RRAGD: variants seen among roughly 807,000 people sequenced by gnomAD.
RRAGD encodes the protein ras-related GTP-binding protein D.
Under a neutral mutation model 35.5 loss-of-function variants are expected in RRAGD, and 12 were observed. The observed-to-expected ratio is 0.34, with a 90% CI of 0.22 to 0.55. The LOEUF (loss-of-function observed/expected upper bound fraction) is 0.55. Ranked by LOEUF, RRAGD falls within the 20% of genes least tolerant of loss-of-function variation. The pLI is 0.91. For synonymous variants in RRAGD, 155 were observed against 178.9 expected, an observed-to-expected ratio of 0.87 and a Z score of 1.07; for missense variants, 324 against 490.1, an observed-to-expected ratio of 0.66 and a Z score of 3.20.
In RRAGD at chr6:89,387,508, A is replaced by G. The variant is rs980738885; in HGVS notation, c.231T>C (p.Ser77=). The G allele has an allele frequency of 3.1e-6, 5 of 1,614,230 alleles. No individual in the cohort carries two copies. The highest frequency in any genetic ancestry group is 3.4e-6 in the Non-Finnish European group (4 of 1,180,042). The stretch of plus-strand genomic sequence containing the variant: ...TTTTGTGAAAGACAACTTTCTGAAT[A>G]GACGACTTGCCGCTTCTCCTCAGGC... ...LMGLRRSGKS[S]IQKVVFHKMS... The change falls in exon 2 of 7, where the codon TCT becomes TCC. Residue 77 remains serine, a synonymous_variant. Transcript: ENST00000369415.
chr6:89,364,824 C>T lies in RRAGD; in HGVS notation c.*3232G>A, dbSNP rs1234550138. 6.6e-6 allele frequency: 1 copy of T among 152,156 alleles called. No individual in the cohort carries two copies. The highest frequency in any genetic ancestry group is 1.5e-5 in the Non-Finnish European group (1 of 68,036). 9.4% of individuals were successfully genotyped at this position (152,156 alleles called of 1,614,324 possible). On this transcript the variant is annotated 3_prime_UTR_variant, in exon 7 of 7. Coordinates refer to ENST00000369415, the MANE Select transcript of RRAGD (RefSeq NM_021244.5). ...AAGAGACAATTCTGCTCCCAGAAAG[C>T]TTAGCTATGAATACACTTGAAATGA...
chr6:89,380,770 G>T (rs778551705), intron 2 of RRAGD, among the ~76,000 whole-genome samples: 16 of 152,106 alleles, frequency 1.1e-4, no homozygotes, highest in Non-Finnish European at 5.9e-5. Flanking sequence ...AGCCAGGCGT[G>T]GTGGCATGCG....
Position 89,412,063 on chromosome 6 carries a change from C to G in RRAGD, c.-70G>C. On this transcript the variant is annotated 5_prime_UTR_variant, in exon 1 of 7. Coordinates refer to ENST00000369415, the MANE Select transcript of RRAGD (RefSeq NM_021244.5). The surrounding 1 kb of genome is among the most constrained non-coding windows in gnomAD (Gnocchi z 4.2). ...GTGGGGGCCAAGCCTCCTAGCCGGC[C>G]GCCCGCAGCCTATTTCTGAAGCGGA... The G allele has an allele frequency of 7.0e-7, 1 of 1,421,632 alleles. No individual in the cohort carries two copies. Among genetic ancestry groups the G allele is most frequent in the Admixed American group, 2.4e-5 (1 of 40,848 alleles). 88.1% of individuals were successfully genotyped at this position (1,421,632 alleles called of 1,614,324 possible).
intron 3 of RRAGD, among the ~76,000 whole-genome samples, chr6:89,379,704 AG>A (rs1769010275): frequency 6.6e-6 from 1 of 152,222 alleles, no homozygotes; most frequent in African/African-American, 2.4e-5. Flanking sequence ...TTGATATTGA[AG>A]CAACTATTTT....
chr6:89,394,346 A>C (rs556815281), intron 1 of RRAGD, among the ~76,000 whole-genome samples: 1 of 152,198 alleles, frequency 6.6e-6, no homozygotes, highest in African/African-American at 2.4e-5. Flanking sequence ...TAGAGGGGGA[A>C]ACAATTACCT....
chr6:89,372,191 G>C (rs1319407570), intron 6 of RRAGD, among the ~76,000 whole-genome samples: 1 of 152,160 alleles, frequency 6.6e-6, no homozygotes, highest in Non-Finnish European at 1.5e-5. Flanking sequence ...AGGATCATGG[G>C]GTTCCACTTC....
chr6:89,380,597 G>A (rs963702458), intron 2 of RRAGD, among the ~76,000 whole-genome samples: 4 of 152,196 alleles, frequency 2.6e-5, no homozygotes, highest in African/African-American at 9.7e-5. Context: ...TTATGACTGA[G>A]GTTGATGACA....
intron 5 of RRAGD, 59 bp downstream of exon 5, chr6:89,377,612 C>A: frequency 2.8e-6 from 4 of 1,421,214 alleles, no homozygotes; most frequent in Non-Finnish European, 2.8e-6. Flanking sequence ...ATGCAAAATG[C>A]CTGAAAGGTT....
At chr6:89,397,528 C>T (rs1482472852) in intron 1 of RRAGD, among the ~76,000 whole-genome samples, 4 of 151,162 alleles carry the variant, frequency 2.6e-5, no homozygotes, top group Non-Finnish European at 5.9e-5. Context: ...GGCGTGAACC[C>T]GGGAGGCGGA....
chr6:89,367,888 TACTTTATTTATA>T lies in RRAGD; in HGVS notation c.*156_*167del. 7.8e-6 allele frequency: 4 copies of T among 514,722 alleles called. No homozygotes were observed. Among genetic ancestry groups the T allele is most frequent in the Non-Finnish European group, 1.3e-5 (4 of 311,624 alleles). The allele number at this position is 514,722 out of a possible 1,614,324, so 31.9% of individuals were successfully genotyped here. A position where few individuals can be genotyped will look rare whatever the true frequency, so the allele number is the denominator to read the frequency against. ...ATACAAGTTTTTGCTTCAAAGTGCT[TACTTTATTTATA>T]AAAGAGAAGATCAAGAGGGTTGCAG... On this transcript the variant is annotated 3_prime_UTR_variant, in exon 7 of 7. Coordinates refer to ENST00000369415, the MANE Select transcript of RRAGD (RefSeq NM_021244.5).
chr6:89,391,990 A>G (rs975712304), intron 1 of RRAGD, among the ~76,000 whole-genome samples: 10 of 151,684 alleles, frequency 6.6e-5, no homozygotes, highest in Non-Finnish European at 1.5e-4. Context: ...CTGGAATTAA[A>G]CAGTGGTGAT....
intron 1 of RRAGD, among the ~76,000 whole-genome samples, chr6:89,409,598 A>G (rs1399141900): frequency 6.6e-6 from 1 of 152,234 alleles, no homozygotes; most frequent in Middle Eastern, 3.2e-3. Flanking sequence ...ACAGGAAGGG[A>G]AGTCACAACT....
chr6:89,406,808 T>C (rs1769588138), intron 1 of RRAGD, among the ~76,000 whole-genome samples: 1 of 152,134 alleles, frequency 6.6e-6, no homozygotes, highest in African/African-American at 2.4e-5. Flanking sequence ...CTGTAACACA[T>C]GCCCACTGGG....
intron 1 of RRAGD, among the ~76,000 whole-genome samples, chr6:89,388,009 A>G (rs1304970336): frequency 1.3e-5 from 2 of 152,152 alleles, no homozygotes; most frequent in Admixed American, 6.5e-5. Flanking sequence ...AGCCATCACT[A>G]AAGAGATGCT....
chr6:89,384,100 TAA>T (rs766030327), intron 2 of RRAGD, among the ~76,000 whole-genome samples: 58 of 131,990 alleles, frequency 4.4e-4, no homozygotes, highest in Non-Finnish European at 4.8e-4. Flanking sequence ...AGACTCCATC[TAA>T]AAAAAAAAAA....
At chr6:89,383,453 T>A (rs1274142166) in intron 2 of RRAGD, among the ~76,000 whole-genome samples, 1 of 152,222 alleles carries the variant, frequency 6.6e-6, no homozygotes, top group Non-Finnish European at 1.5e-5. Flanking sequence ...ATTTTTCCCA[T>A]CGTTTATTAC....
chr6:89,405,105 C>T (rs746548432), intron 1 of RRAGD, among the ~76,000 whole-genome samples: 2 of 152,118 alleles, frequency 1.3e-5, no homozygotes, highest in Non-Finnish European at 2.9e-5. Context: ...AATCCCAGCA[C>T]TTTGGGAGGC....
Position 89,368,021 on chromosome 6 carries a change from A to C in RRAGD, c.*35T>G, listed in dbSNP as rs375722886. On this transcript the variant is annotated 3_prime_UTR_variant, in exon 7 of 7. Transcript: ENST00000369415. ...ACATGGCGCAGCAGCCTCATGGATA[A>C]GGTCTGATTTCAAAAGACATTCCTG... The C allele has an allele frequency of 2.8e-5, 44 of 1,547,872 alleles. 1 individual carries two copies. The highest frequency in any genetic ancestry group is 3.0e-5 in the Non-Finnish European group (34 of 1,144,872).
intron 2 of RRAGD, 65 bp from the exon 3 acceptor site, chr6:89,380,432 C>G (rs765445027): frequency 2.2e-4 from 311 of 1,407,438 alleles, no homozygotes; most frequent in Non-Finnish European, 1.8e-4. Flanking sequence ...CACACACACT[C>G]TTCACCTGGA....
Sources: allele counts gnomAD v4.1 joint callset (sites outside exome capture counted in the v4.1 genomes callset), GRCh38; gene constraint gnomAD v4.1.1; non-coding constraint Gnocchi (gnomAD v3.1); transcripts MANE v1.5; gene names NCBI Gene and HGNC (gene_info 2026-07-23, HGNC 2026-07-21).